Variants in MALT1 observed in about 807,000 individuals in gnomAD.
MALT1 encodes MALT1 paracaspase, also known as mucosa-associated lymphoid tissue lymphoma translocation protein 1.
In MALT1, 36 loss-of-function variants were observed where a neutral mutation model predicts 85.5. The ratio of observed to expected loss-of-function variants is 0.42; its 90% CI spans 0.32 to 0.56. The LOEUF (loss-of-function observed/expected upper bound fraction) is 0.56. Among genes scored for constraint, MALT1 ranks in the 20% least tolerant of loss-of-function variants. MALT1 has a pLI of 0.10. For missense variants in MALT1, 716 were observed against 981.6 expected (o/e 0.73, Z 3.62); for synonymous variants, 359 against 361.3 (o/e 0.99, Z 0.07).
intron 2 of MALT1, among the ~76,000 whole-genome samples, chr18:58,693,330 G>C (rs947790103): frequency 6.6e-6 from 1 of 152,194 alleles, no homozygotes; most frequent in Non-Finnish European, 1.5e-5. Context: ...GCTGAGGTGG[G>C]AGAATTGCTT....
intron 14 of MALT1, among the ~76,000 whole-genome samples, chr18:58,743,100 TGTG>T (rs1276937951): frequency 6.6e-6 from 1 of 152,086 alleles, no homozygotes; most frequent in African/African-American, 2.4e-5. Context: ...CTTGGCCAGG[TGTG>T]GTGGCTCACA....
chr18:58,725,301 G>A (rs993505243), intron 10 of MALT1, among the ~76,000 whole-genome samples: 14 of 152,138 alleles, frequency 9.2e-5, no homozygotes, highest in African/African-American at 2.9e-4. Context: ...CAGCCTAGGC[G>A]ACAGAATGAG....
At chr18:58,740,638 T>C (rs1015482983) in intron 13 of MALT1, among the ~76,000 whole-genome samples, 2 of 152,186 alleles carry the variant, frequency 1.3e-5, no homozygotes, top group Non-Finnish European at 2.9e-5. Context: ...TCTGTCTAAT[T>C]GCTATGCTTT....
intron 6 of MALT1, 36 bp downstream of exon 6, chr18:58,710,108 C>G (rs368515823): frequency 2.8e-5 from 37 of 1,328,576 alleles, no homozygotes; most frequent in Non-Finnish European, 3.9e-5. Context: ...GACAAGTGGA[C>G]TATAATATAA....
chr18:58,731,846 C>G (rs916031826), intron 10 of MALT1, among the ~76,000 whole-genome samples: 1 of 152,106 alleles, frequency 6.6e-6, no homozygotes, highest in African/African-American at 2.4e-5. Flanking sequence ...GAACTTTGTC[C>G]TTCTTTTTTG....
Position 58,748,125 on chromosome 18 carries a change from A to G in MALT1, c.*283A>G, listed in dbSNP as rs1381923772. The G allele has an allele frequency of 2.8e-6, 1 of 363,454 alleles. No homozygotes were observed. Among genetic ancestry groups the G allele is most frequent in the Non-Finnish European group, 5.0e-6 (1 of 198,078 alleles). The allele number at this position is 363,454 out of a possible 1,614,324, so 22.5% of individuals were successfully genotyped here. On this transcript the variant is annotated 3_prime_UTR_variant, in exon 17 of 17. Transcript: ENST00000649217. ...ATAACAAAATATTTTCATTGTGACC[A>G]CTCTGAAGTAAGAGCAATGGGAATG...
At chr18:58,697,877 G>A (rs533362717) in intron 3 of MALT1, among the ~76,000 whole-genome samples, 9 of 152,142 alleles carry the variant, frequency 5.9e-5, no homozygotes, top group Non-Finnish European at 1.2e-4. Flanking sequence ...TGACCAGAAG[G>A]TCTCTGCCCT....
In MALT1 at chr18:58,709,608, G is replaced by T. The variant is rs919678090; in HGVS notation, c.828+52G>T. 5.0e-6 allele frequency: 7 copies of T among 1,397,168 alleles called. No individual in the cohort carries two copies. In the African/African-American group the frequency reaches 1.0e-4, roughly 20 times the overall value. The allele number at this position is 1,397,168 out of a possible 1,614,324, so 86.5% of individuals were successfully genotyped here. ...GGGGGAGTTAACATGTAAAACAAAT[G>T]GTACAATTGAAATATAAGGTGAACA... On this transcript the variant is annotated intron_variant, in intron 5 of 16. Coordinates refer to ENST00000649217, the MANE Select transcript of MALT1 (RefSeq NM_006785.4).
chr18:58,709,420 T>C lies in MALT1; in HGVS notation c.692T>C (p.Val231Ala), dbSNP rs779187071. Residue 231 changes from valine (V) to alanine (A), a missense_variant, in exon 5 of 17, where the codon GTT (valine) becomes GCT (alanine). Val to Ala is a moderately conservative substitution (Grantham distance 64). Coordinates refer to ENST00000649217, the MANE Select transcript of MALT1 (RefSeq NM_006785.4). ...TCTGAATCCAAGTTGCAAATCTGTG[T>C]TGAACCAACTTCCCAAAAGCTGATG... ...GVSESKLQICVEPTSQKLMPG... is the reference protein window; with the variant it reads ...GVSESKLQICAEPTSQKLMPG... 1 of 1,611,236 alleles carries C rather than the reference T, an allele frequency of 6.2e-7. No homozygotes were observed. Among genetic ancestry groups the C allele is most frequent in the Non-Finnish European group, 8.5e-7 (1 of 1,178,616 alleles).
intron 16 of MALT1, 38 bp from the exon 17 acceptor site, chr18:58,747,367 T>C: frequency 7.6e-7 from 1 of 1,312,088 alleles, no homozygotes; most frequent in Non-Finnish European, 1.1e-6. Flanking sequence ...ATATTCACTG[T>C]TGATGCCAAT....
At chr18:58,746,839 T>C (rs930571442) in intron 16 of MALT1, among the ~76,000 whole-genome samples, 5 of 152,072 alleles carry the variant, frequency 3.3e-5, no homozygotes, top group African/African-American at 1.2e-4. Flanking sequence ...GTGATTCTTG[T>C]GCCTCAGCCT....
chr18:58,698,067 G>GTTTTTTTTT lies in MALT1; in HGVS notation c.498+1587_498+1588insTTTTTTTTT, dbSNP rs796905674. The stretch of plus-strand genomic sequence containing the variant: ...GTTGTTGTTGTTGTTGTTTTGTTTT[G>GTTTTTTTTT]TTTTTTTGTTTTTTTTTTGAGATGG... On this transcript the variant is annotated intron_variant, in intron 3 of 16. Transcript: ENST00000649217. Among the ~76,000 whole-genome samples, 8 of 74,958 alleles carry GTTTTTTTTT rather than the reference G, an allele frequency of 1.1e-4. 1 individual carries two copies. The highest frequency in any genetic ancestry group is 3.6e-4 in the East Asian group (1 of 2,772). The allele number at this position is 74,958 out of a possible 152,430, so 49.2% of individuals were successfully genotyped here. A position where few individuals can be genotyped will look rare whatever the true frequency, so the allele number is the denominator to read the frequency against.
intron 2 of MALT1, among the ~76,000 whole-genome samples, chr18:58,681,975 A>G (rs1310909663): frequency 2.0e-5 from 3 of 152,174 alleles, no homozygotes; most frequent in African/African-American, 7.2e-5. Context: ...GGTGGAGGGC[A>G]GGAGGGACAT....
In MALT1 at chr18:58,734,428, GTC is replaced by G. The variant is rs771958795; in HGVS notation, c.1475+49_1475+50del. On this transcript the variant is annotated intron_variant, in intron 12 of 16. Coordinates refer to ENST00000649217, the MANE Select transcript of MALT1 (RefSeq NM_006785.4). ...GTTGAAGTTTCCTTTATTGTTTGATGTCTTTTTGTTTTTGCTTTTTAGGAGCA... is the reference window on the plus strand; with the variant it reads ...GTTGAAGTTTCCTTTATTGTTTGATGTTTTTGTTTTTGCTTTTTAGGAGCA... 16 of 1,510,842 alleles carry G rather than the reference GTC, an allele frequency of 1.1e-5. No individual in the cohort carries two copies. In the African/African-American group the frequency reaches 2.2e-4, roughly 21 times the overall value. The allele number at this position is 1,510,842 out of a possible 1,614,324, so 93.6% of individuals were successfully genotyped here. A position where few individuals can be genotyped will look rare whatever the true frequency, so the allele number is the denominator to read the frequency against.
At chr18:58,694,303 T>A (rs1003816054) in intron 2 of MALT1, among the ~76,000 whole-genome samples, 1 of 152,250 alleles carries the variant, frequency 6.6e-6, no homozygotes, top group African/African-American at 2.4e-5. Flanking sequence ...TTTAGTATCT[T>A]TGTGCTGTGA....
In MALT1 at chr18:58,717,603, G is replaced by C. The variant is rs1192989611; in HGVS notation, c.1018+1636G>C. Reference sequence around the variant, plus strand: ...AGCTTTAAAATAGAGAAGATAGGCTGGGTGTGGTGGTACACGCCTGTAATC... The same window carrying C: ...AGCTTTAAAATAGAGAAGATAGGCTCGGTGTGGTGGTACACGCCTGTAATC... On this transcript the variant is annotated intron_variant, in intron 9 of 16. Coordinates refer to ENST00000649217, the MANE Select transcript of MALT1 (RefSeq NM_006785.4). Among the ~76,000 whole-genome samples, 3 of 152,082 alleles carry C rather than the reference G, an allele frequency of 2.0e-5. No individual in the cohort carries two copies. The East Asian group carries it at 5.8e-4, about 29-fold the overall frequency.
At position 58,723,067 on chromosome 18, in the gene MALT1, T is replaced by C. The variant is rs772722335; in HGVS notation, c.1038T>C (p.Leu346=). Reference sequence around the variant, plus strand: ...TCAAAGCGAAGGACAAGGTTGCCCTTTTGATAGGAAATATGAATTACCGGG... The same window carrying C: ...TCAAAGCGAAGGACAAGGTTGCCCTCTTGATAGGAAATATGAATTACCGGG... ...DQPLAKDKVA[L]LIGNMNYREH... is the part of the protein sequence containing the mutation. Residue 346 remains leucine, a synonymous_variant, in exon 10 of 17, where the codon CTT becomes CTC. Coordinates refer to ENST00000649217, the MANE Select transcript of MALT1 (RefSeq NM_006785.4). The C allele has an allele frequency of 2.5e-6, 4 of 1,613,964 alleles. No individual in the cohort carries two copies. Among genetic ancestry groups the C allele is most frequent in the Non-Finnish European group, 3.4e-6 (4 of 1,179,912 alleles).
rs1251356443 is a variant in MALT1 at position 58,747,687 on chromosome 18, G to A, written c.2320G>A (p.Ala774Thr). ...HPGNPSNVTP[A>T]DSCHCSRTPD... is the part of the protein sequence containing the mutation. ...TGGTAATCCAAGTAATGTTACACCA[G>A]CAGATAGCTGTCATTGCAGCCGGAC... Residue 774 changes from alanine to threonine, a missense_variant, in exon 17 of 17, where the codon GCA becomes ACA. Transcript: ENST00000649217. 2.5e-6 allele frequency: 4 copies of A among 1,614,048 alleles called. No individual in the cohort carries two copies. The highest frequency in any genetic ancestry group is 2.5e-6 in the Non-Finnish European group (3 of 1,180,040).
In MALT1 at chr18:58,748,822, T is replaced by C. The variant is rs58169841; in HGVS notation, c.*980T>C. ...TCACAAAGAAAATCCCAGGCCTAGA[T>C]GGCTGCATTGTTGAATTCTGCCAAA... On this transcript the variant is annotated 3_prime_UTR_variant, in exon 17 of 17. Transcript: ENST00000649217. 11,693 of 202,782 alleles carry C rather than the reference T, an allele frequency of 0.058. 552 individuals carry two copies. Among genetic ancestry groups the C allele is most frequent in the East Asian group, 0.19 (2,540 of 13,148 alleles). 12.6% of individuals were successfully genotyped at this position (202,782 alleles called of 1,614,324 possible).
Sources: allele counts gnomAD v4.1 joint callset (sites outside exome capture counted in the v4.1 genomes callset), GRCh38; gene constraint gnomAD v4.1.1; transcripts MANE v1.5; gene names NCBI Gene and HGNC (gene_info 2026-07-23, HGNC 2026-07-21).